DCN: variants seen among roughly 807,000 people sequenced by gnomAD.
DCN encodes the protein decorin, also known as bone proteoglycan II.
Under a neutral mutation model 36.5 loss-of-function variants are expected in DCN, and 17 were observed. The observed-to-expected ratio is 0.47, with a 90% CI of 0.32 to 0.70. The LOEUF (loss-of-function observed/expected upper bound fraction) is 0.70. Among genes scored for constraint, DCN ranks in the 30% least tolerant of loss-of-function variants. The pLI, the probability that DCN is intolerant of heterozygous loss-of-function variation, is 0.04. For synonymous variants in DCN, 163 were observed against 161.4 expected, an observed-to-expected ratio of 1.01 and a Z score of -0.07; for missense variants, 389 against 430.1, an observed-to-expected ratio of 0.90 and a Z score of 0.84.
chr12:91,163,774 AATT>A (rs1187748120), intron 3 of DCN, among the ~76,000 whole-genome samples: 4 of 152,340 alleles, frequency 2.6e-5, no homozygotes, highest in African/African-American at 7.2e-5. Flanking sequence ...AAATATGAAT[AATT>A]ATCTTTTTTT....
chr12:91,157,821 G>C (rs1881892966), intron 4 of DCN, among the ~76,000 whole-genome samples: 1 of 151,942 alleles, frequency 6.6e-6, no homozygotes, highest in Non-Finnish European at 1.5e-5. Flanking sequence ...GTAGAGATGG[G>C]GTTTCACCAT....
intron 3 of DCN, among the ~76,000 whole-genome samples, chr12:91,159,473 T>TGATCA (rs1882021567): frequency 6.6e-6 from 1 of 152,152 alleles, no homozygotes. Flanking sequence ...GGAGATTGCT[T>TGATCA]GATCACCAAT....
At position 91,153,004 on chromosome 12, in the gene DCN, A is replaced by G; in HGVS notation, c.746+92T>C. 7.7e-6 allele frequency: 6 copies of G among 782,518 alleles called. No homozygotes were observed. The South Asian group carries it at 8.5e-5, about 11-fold the overall frequency. 48.5% of individuals were successfully genotyped at this position (782,518 alleles called of 1,614,324 possible). A position where few individuals can be genotyped will look rare whatever the true frequency, so the allele number is the denominator to read the frequency against. ...ACAGCAGTGAAATGTAGTACACTCA[A>G]AAATCAATCATCATGTTTATAATTC... On this transcript the variant is annotated intron_variant, in intron 6 of 7. Transcript: ENST00000052754.
At chr12:91,156,731 T>C (rs1881803417) in intron 5 of DCN, among the ~76,000 whole-genome samples, 1 of 152,002 alleles carries the variant, frequency 6.6e-6, no homozygotes, top group Non-Finnish European at 1.5e-5. Context: ...AGGCATGCTA[T>C]TTTTTAAATA....
intron 7 of DCN, among the ~76,000 whole-genome samples, chr12:91,147,169 C>A (rs3138285): frequency 0.017 from 2,559 of 152,292 alleles, 75 homozygotes; most frequent in African/African-American, 0.057. Flanking sequence ...TCTACTCTGA[C>A]CTCCTTTTCT....
At chr12:91,176,928 A>G (rs1290002559) in intron 2 of DCN, 1 of 152,254 alleles carries the variant, frequency 6.6e-6, no homozygotes, top group East Asian at 1.9e-4. Flanking sequence ...AATGCAGGTC[A>G]TCTCTAGATG....
At chr12:91,158,215 C>T in intron 4 of DCN, 81 bp downstream of exon 4, 1 of 885,406 alleles carries the variant, frequency 1.1e-6, no homozygotes, top group Non-Finnish European at 1.9e-6. Flanking sequence ...GCTAATTTAC[C>T]TTCCTGCACT....
At chr12:91,156,608 A>T (rs12426776) in intron 5 of DCN, among the ~76,000 whole-genome samples, 2 of 145,500 alleles carry the variant, frequency 1.4e-5, no homozygotes, top group Admixed American at 1.4e-4. Context: ...TAATAACTGG[A>T]GTGTCTTAAA....
chr12:91,145,325 A>G lies in DCN; in HGVS notation c.*733T>C, dbSNP rs1432556843. 6.6e-6 allele frequency: 1 copy of G among 152,468 alleles called. No homozygotes were observed. Among genetic ancestry groups the G allele is most frequent in the African/African-American group, 2.4e-5 (1 of 41,452 alleles). 9.4% of individuals were successfully genotyped at this position (152,468 alleles called of 1,614,324 possible). A position where few individuals can be genotyped will look rare whatever the true frequency, so the allele number is the denominator to read the frequency against. On this transcript the variant is annotated 3_prime_UTR_variant, in exon 8 of 8. Transcript: ENST00000052754. ...GAAACATCAGTTCTCTAGACCAGTC[A>G]GGAAATGTATGCTTTGTGCTTTATA...
chr12:91,155,782 A>C (rs528662778), intron 5 of DCN, among the ~76,000 whole-genome samples: 42 of 152,346 alleles, frequency 2.8e-4, no homozygotes, highest in Middle Eastern at 3.4e-3. Context: ...ATTATAAATC[A>C]GTCTTTATCA....
intron 7 of DCN, among the ~76,000 whole-genome samples, chr12:91,147,605 T>C (rs1187312624): frequency 6.6e-6 from 1 of 152,174 alleles, no homozygotes; most frequent in Non-Finnish European, 1.5e-5. Flanking sequence ...CTATATTGGG[T>C]CTACATGAAA....
intron 3 of DCN, among the ~76,000 whole-genome samples, chr12:91,163,158 G>A (rs1882271688): frequency 6.6e-6 from 1 of 152,114 alleles, no homozygotes; most frequent in East Asian, 1.9e-4. Context: ...TAGAGAACTG[G>A]GTGAGAAAAT....
intron 3 of DCN, among the ~76,000 whole-genome samples, chr12:91,159,916 AG>A (rs991869109): frequency 1.6e-4 from 24 of 152,108 alleles, no homozygotes; most frequent in Non-Finnish European, 2.5e-4. Context: ...GAGGGGCAAA[AG>A]GGGACCTATA....
intron 2 of DCN, 38 bp from the exon 3 acceptor site, chr12:91,164,755 A>C: frequency 9.9e-7 from 1 of 1,008,608 alleles, no homozygotes; most frequent in South Asian, 1.3e-5. Flanking sequence ...GTGAGTAGAA[A>C]GGACATGTGG....
chr12:91,163,160 T>C (rs1882272104), intron 3 of DCN, among the ~76,000 whole-genome samples: 1 of 152,198 alleles, frequency 6.6e-6, no homozygotes, highest in Admixed American at 6.5e-5. Flanking sequence ...GAGAACTGGG[T>C]GAGAAAATGC....
At chr12:91,170,361 T>C (rs1006629571) in intron 2 of DCN, among the ~76,000 whole-genome samples, 2 of 152,188 alleles carry the variant, frequency 1.3e-5, no homozygotes, top group African/African-American at 4.8e-5. Flanking sequence ...TGAAATCTGT[T>C]TTTCAGGTAT....
intron 3 of DCN, among the ~76,000 whole-genome samples, chr12:91,163,489 T>G (rs1272830896): frequency 6.6e-6 from 1 of 152,144 alleles, no homozygotes; most frequent in Non-Finnish European, 1.5e-5. Flanking sequence ...CCTCAAATTC[T>G]TCTAGACCTT....
chr12:91,178,281 A>G (rs759052669), intron 2 of DCN, 61 bp downstream of exon 2: 1 of 1,411,108 alleles, frequency 7.1e-7, no homozygotes, highest in Non-Finnish European at 1.0e-6. Flanking sequence ...AAACTCTCAG[A>G]GTTGCCATTC....
At chr12:91,171,874 C>T (rs1443056101) in intron 2 of DCN, among the ~76,000 whole-genome samples, 1 of 152,032 alleles carries the variant, frequency 6.6e-6, no homozygotes, top group Admixed American at 6.6e-5. Context: ...TTTAAGCCAC[C>T]ATGTTTTGGG....
Sources: gnomAD v4.1 joint callset for allele counts (sites outside exome capture counted in the v4.1 genomes callset) on GRCh38, gnomAD v4.1.1 for gene constraint, MANE v1.5 for transcripts, NCBI Gene and HGNC (gene_info 2026-07-23, HGNC 2026-07-21) for gene names.